The following ENTPD1 variants were observed in gnomAD, a reference collection of about 807,000 sequenced individuals.
ENTPD1 encodes ectonucleoside triphosphate diphosphohydrolase 1.
Under a neutral mutation model 57.0 loss-of-function variants are expected in ENTPD1, and 33 were observed. The observed-to-expected ratio is 0.58, with a 90% CI of 0.44 to 0.77. The LOEUF is 0.77. ENTPD1 is among the 30% of genes least tolerant of loss of function. The probability of loss-of-function intolerance (pLI) is 0.00; values close to 1 mark genes in which losing one functional copy is unlikely to be tolerated. For synonymous variants in ENTPD1, 202 were observed against 218.8 expected, an observed-to-expected ratio of 0.92 and a Z score of 0.68; for missense variants, 501 against 603.4, an observed-to-expected ratio of 0.83 and a Z score of 1.78.
chr10:95,856,054 C>T (rs993519104), intron 7 of ENTPD1, among the ~76,000 whole-genome samples: 2 of 152,182 alleles, frequency 1.3e-5, no homozygotes, highest in African/African-American at 4.8e-5. Flanking sequence ...TTCCATTCTC[C>T]CCGTCACTTT....
rs1425879417 is a variant in ENTPD1 at position 95,809,575 on chromosome 10, G to A, written c.17-13662G>A. ...GATGGGGCGGATGCTGGGCAGAGGC[G>A]CCCCCCCACCTCCCAGACGGGGCGG... On this transcript the variant is annotated intron_variant, in intron 1 of 9. Coordinates refer to ENST00000371205, the MANE Select transcript of ENTPD1 (RefSeq NM_001776.6). Among the ~76,000 whole-genome samples the A allele has an allele frequency of 5.9e-5, 5 of 85,106 alleles. No individual in the cohort carries two copies. In the South Asian group the frequency reaches 1.2e-3, roughly 20 times the overall value. 55.8% of individuals were successfully genotyped at this position (85,106 alleles called of 152,430 possible). A position where few individuals can be genotyped will look rare whatever the true frequency, so the allele number is the denominator to read the frequency against.
At chr10:95,753,459 T>C (rs2098015311), upstream of ENTPD1, 1 of 152,216 alleles carries the variant, frequency 6.6e-6, no homozygotes, top group Non-Finnish European at 1.5e-5. Flanking sequence ...TAAAACTATG[T>C]TTCTATTACT....
intron 1 of ENTPD1, among the ~76,000 whole-genome samples, chr10:95,716,416 T>C (rs1213715985): frequency 6.6e-6 from 1 of 152,180 alleles, no homozygotes; most frequent in African/African-American, 2.4e-5. Flanking sequence ...CCACCAAAAC[T>C]CATGTTGAGG....
At chr10:95,813,471 G>T (rs909321674) in intron 1 of ENTPD1, among the ~76,000 whole-genome samples, 2 of 152,172 alleles carry the variant, frequency 1.3e-5, no homozygotes, top group Non-Finnish European at 2.9e-5. Flanking sequence ...CCCATAGTTA[G>T]TGGTCTCTTA....
intron 1 of ENTPD1, among the ~76,000 whole-genome samples, chr10:95,718,025 C>T (rs919332257): frequency 5.3e-5 from 8 of 151,976 alleles, no homozygotes; most frequent in Non-Finnish European, 7.4e-5. Context: ...TGGGTGTGGG[C>T]GGTGAAAGTG....
chr10:95,724,791 A>T (rs1252612987), intron 1 of ENTPD1, among the ~76,000 whole-genome samples: 1 of 152,254 alleles, frequency 6.6e-6, no homozygotes, highest in Non-Finnish European at 1.5e-5. Context: ...AACATGGACC[A>T]GAAGAGTGTG....
At chr10:95,806,181 T>C (rs1192595573) in intron 1 of ENTPD1, among the ~76,000 whole-genome samples, 2 of 152,208 alleles carry the variant, frequency 1.3e-5, no homozygotes, top group African/African-American at 4.8e-5. Context: ...TTGGAGGCTT[T>C]GTTCATTTCT....
intron 2 of ENTPD1, among the ~76,000 whole-genome samples, chr10:95,837,031 A>G (rs1266999792): frequency 6.6e-6 from 1 of 152,230 alleles, no homozygotes; most frequent in Non-Finnish European, 1.5e-5. Context: ...AATGTCTTCA[A>G]TTTGTGTTAA....
intron 7 of ENTPD1, among the ~76,000 whole-genome samples, chr10:95,858,621 G>A (rs1383958622): frequency 5.9e-5 from 9 of 151,590 alleles, no homozygotes; most frequent in Non-Finnish European, 1.3e-4. Context: ...ACCATACCAC[G>A]ATCTTTTTCT....
intron 1 of ENTPD1, among the ~76,000 whole-genome samples, chr10:95,806,137 A>G (rs202149689): frequency 6.6e-6 from 1 of 152,206 alleles, no homozygotes; most frequent in East Asian, 1.9e-4. Flanking sequence ...CCAATCAGAC[A>G]TAGATTTGGT....
intron 2 of ENTPD1, among the ~76,000 whole-genome samples, chr10:95,839,106 T>C (rs1466431676): frequency 6.6e-6 from 1 of 152,224 alleles, no homozygotes; most frequent in East Asian, 1.9e-4. Flanking sequence ...TAAAATTAGA[T>C]GAACATATTT....
intron 1 of ENTPD1, among the ~76,000 whole-genome samples, chr10:95,816,426 G>T (rs1692783118): frequency 1.3e-5 from 2 of 152,150 alleles, no homozygotes; most frequent in South Asian, 4.1e-4. Context: ...GACTGTGAGT[G>T]TGACTTTATT....
chr10:95,761,375 G>C (rs2098061559), intron 1 of ENTPD1, among the ~76,000 whole-genome samples: 1 of 152,100 alleles, frequency 6.6e-6, no homozygotes, highest in African/African-American at 2.4e-5. Context: ...CTCTGAAGTA[G>C]GTCTACATTT....
chr10:95,752,951 A>G (rs555750970), upstream of ENTPD1, among the ~76,000 whole-genome samples: 7 of 152,276 alleles, frequency 4.6e-5, no homozygotes, highest in South Asian at 8.3e-4. Flanking sequence ...TAAACAACAG[A>G]ATTTGTTTTT....
At chr10:95,701,167 G>C in the ENTPD1 span, among the ~76,000 whole-genome samples, 1 of 152,284 alleles carries the variant, frequency 6.6e-6, no homozygotes, top group South Asian at 2.1e-4. Context: ...AGTCAAAATA[G>C]AATTCCAGCC....
chr10:95,777,830 C>T (rs2098140091), intron 1 of ENTPD1, among the ~76,000 whole-genome samples: 1 of 152,244 alleles, frequency 6.6e-6, no homozygotes, highest in Non-Finnish European at 1.5e-5. Flanking sequence ...TCTTCCAGGA[C>T]ACTTTGTTTA....
chr10:95,769,389 G>A (rs1404642629), intron 1 of ENTPD1, among the ~76,000 whole-genome samples: 1 of 152,198 alleles, frequency 6.6e-6, no homozygotes, highest in East Asian at 1.9e-4. Context: ...AACATTCCAC[G>A]CAGAGGAACC....
intron 1 of ENTPD1, among the ~76,000 whole-genome samples, chr10:95,770,003 A>T (rs556198546): frequency 3.9e-5 from 6 of 152,214 alleles, no homozygotes; most frequent in Admixed American, 1.3e-4. Flanking sequence ...TTTCAAATAG[A>T]GCAGATGGAT....
chr10:95,709,048 T>A (rs544612752), upstream of ENTPD1, among the ~76,000 whole-genome samples: 1 of 152,310 alleles, frequency 6.6e-6, no homozygotes, highest in Admixed American at 6.5e-5. Flanking sequence ...AATTTTCTAT[T>A]TCATGATAGA....
Sources: allele counts gnomAD v4.1 joint callset (sites outside exome capture counted in the v4.1 genomes callset), GRCh38; gene constraint gnomAD v4.1.1; transcripts MANE v1.5; gene names NCBI Gene and HGNC (gene_info 2026-07-23, HGNC 2026-07-21).